Variants in DLGAP2 observed in about 807,000 individuals in gnomAD.
DLGAP2 encodes DLG associated protein 2.
A neutral mutation model predicts 100.3 loss-of-function variants in DLGAP2; 26 were observed. That is an observed-to-expected ratio of 0.26 (90% confidence interval 0.19 to 0.36). The LOEUF (loss-of-function observed/expected upper bound fraction) is 0.36. Among genes scored for constraint, DLGAP2 ranks in the 10% least tolerant of loss-of-function variants. The probability of loss-of-function intolerance (pLI) is 1.00; values close to 1 mark genes in which losing one functional copy is unlikely to be tolerated. For synonymous variants in DLGAP2, 886 were observed against 630.1 expected, an observed-to-expected ratio of 1.41 and a Z score of -6.08; for missense variants, 1,858 against 1,453.2, an observed-to-expected ratio of 1.28 and a Z score of -4.53.
At chr8:1,392,477 T>C (rs1796387769) in intron 3 of DLGAP2, among the ~76,000 whole-genome samples, 1 of 152,218 alleles carries the variant, frequency 6.6e-6, no homozygotes, top group Non-Finnish European at 1.5e-5. Context: ...CGCCGCGTGG[T>C]CCTTCTAAGT....
chr8:1,316,324 G>T (rs1392228474), intron 3 of DLGAP2, among the ~76,000 whole-genome samples: 22 of 107,848 alleles, frequency 2.0e-4, no homozygotes, highest in East Asian at 1.2e-3. Flanking sequence ...ACTTGGCAGC[G>T]TTTAAAAATA....
At chr8:1,101,797 CT>C (rs1804593147) in intron 2 of DLGAP2, among the ~76,000 whole-genome samples, 1 of 24,744 alleles carries the variant, frequency 4.0e-5, no homozygotes, top group East Asian at 7.3e-4. Context: ...CTCGTCACCC[CT>C]GAGCCGAACA....
intron 1 of DLGAP2, among the ~76,000 whole-genome samples, chr8:884,628 T>TA (rs1342308984): frequency 6.6e-6 from 1 of 152,008 alleles, no homozygotes; most frequent in African/African-American, 2.4e-5. Context: ...ACAAGCTCTT[T>TA]AGTTTAATTA....
At chr8:1,110,421 G>C (rs1266091113) in intron 2 of DLGAP2, among the ~76,000 whole-genome samples, 2 of 150,188 alleles carry the variant, frequency 1.3e-5, no homozygotes, top group Non-Finnish European at 3.0e-5. Context: ...GGGTCTGAGA[G>C]GTGTGCATGG....
At chr8:1,454,008 G>A (rs2130122798) in intron 3 of DLGAP2, among the ~76,000 whole-genome samples, 1 of 152,374 alleles carries the variant, frequency 6.6e-6, no homozygotes, top group South Asian at 2.1e-4. Context: ...CTCCTGCCAG[G>A]CAGTGGGATC....
chr8:1,348,880 T>A (rs1235262296), intron 3 of DLGAP2, among the ~76,000 whole-genome samples: 1 of 152,206 alleles, frequency 6.6e-6, no homozygotes, highest in African/African-American at 2.4e-5. Context: ...CTTGTGCCTT[T>A]GGAATCTTGT....
chr8:1,190,100 C>G (rs545488338), intron 2 of DLGAP2, among the ~76,000 whole-genome samples: 4 of 152,310 alleles, frequency 2.6e-5, no homozygotes, highest in East Asian at 3.9e-4. Context: ...GCCCTCTGGA[C>G]TCTTACTGCT....
chr8:1,472,089 CAG>C (rs1157086454), intron 3 of DLGAP2, among the ~76,000 whole-genome samples: 1 of 152,246 alleles, frequency 6.6e-6, no homozygotes, highest in Non-Finnish European at 1.5e-5. Context: ...GGGAGTGAGA[CAG>C]AGGGCCTGAG....
At chr8:1,494,085 T>C (rs904696876) in intron 3 of DLGAP2, among the ~76,000 whole-genome samples, 11 of 152,014 alleles carry the variant, frequency 7.2e-5, no homozygotes, top group African/African-American at 2.7e-4. Context: ...TAACAAACAC[T>C]CTGCAGGGCA....
At chr8:1,116,140 G>C (rs62486822) in intron 2 of DLGAP2, among the ~76,000 whole-genome samples, 1 of 152,208 alleles carries the variant, frequency 6.6e-6, no homozygotes, top group Non-Finnish European at 1.5e-5. Flanking sequence ...GATGCGGTAC[G>C]CAATCCCATC....
At position 1,173,907 on chromosome 8, in the gene DLGAP2, G is replaced by A. The variant is rs536244478; in HGVS notation, c.74-84944G>A. 2.2e-4 allele frequency among the ~76,000 whole-genome samples: 33 copies of A among 152,294 alleles called. No individual in the cohort carries two copies. The South Asian group carries it at 6.6e-3, about 31-fold the overall frequency. On this transcript the variant is annotated intron_variant, in intron 2 of 14. Transcript: ENST00000637795. ...ACCCACTGACCTGCGCCCACCTCTG[G>A]CACTCCCTAGTGAGATGAACCTGGT...
chr8:1,665,930 T>C (rs1371652129), intron 8 of DLGAP2, among the ~76,000 whole-genome samples: 1 of 152,232 alleles, frequency 6.6e-6, no homozygotes, highest in Non-Finnish European at 1.5e-5. Context: ...TCTCTGACCA[T>C]GTGTCCATGT....
intron 1 of DLGAP2, among the ~76,000 whole-genome samples, chr8:778,301 G>A (rs9650535): frequency 0.21 from 32,485 of 151,980 alleles, 4,092 homozygotes; most frequent in Non-Finnish European, 0.29. Flanking sequence ...GTGTCCTCTC[G>A]TAGCTCAGAG....
chr8:1,229,642 C>G (rs1336683780), intron 2 of DLGAP2, among the ~76,000 whole-genome samples: 2 of 152,084 alleles, frequency 1.3e-5, no homozygotes, highest in East Asian at 1.9e-4. Flanking sequence ...ACTAATAAAA[C>G]CAACAGCACA....
At chr8:1,591,002 G>T (rs537336287) in intron 6 of DLGAP2, among the ~76,000 whole-genome samples, 1 of 152,344 alleles carries the variant, frequency 6.6e-6, no homozygotes, top group East Asian at 1.9e-4. Flanking sequence ...AATTAAGGAA[G>T]CTCAAAACAT....
intron 2 of DLGAP2, among the ~76,000 whole-genome samples, chr8:1,148,938 A>G (rs12675272): frequency 0.34 from 51,182 of 152,042 alleles, 8,863 homozygotes; most frequent in East Asian, 0.56. Flanking sequence ...ATAATTCAGT[A>G]TTAATCCTTG....
At position 1,647,488 on chromosome 8, in the gene DLGAP2, C is replaced by CAA. The variant is rs567451595; in HGVS notation, c.1810+14479_1810+14480dup. Among the ~76,000 whole-genome samples the CAA allele has an allele frequency of 1.9e-3, 87 of 44,980 alleles. 28 individuals carry two copies. Among genetic ancestry groups the CAA allele is most frequent in the Non-Finnish European group, 4.2e-3 (72 of 17,214 alleles). 29.5% of individuals were successfully genotyped at this position (44,980 alleles called of 152,430 possible). A position where few individuals can be genotyped will look rare whatever the true frequency, so the allele number is the denominator to read the frequency against. On this transcript the variant is annotated intron_variant, in intron 8 of 14. Transcript: ENST00000637795. ...TGGGAGACAGAGAGAGACTCTGTCT[C>CAA]AAAAAAAAAAAAAAAAAAAAAAAAA...
intron 2 of DLGAP2, among the ~76,000 whole-genome samples, chr8:1,030,734 T>G (rs1364775264): frequency 6.6e-6 from 1 of 152,222 alleles, no homozygotes; most frequent in Non-Finnish European, 1.5e-5. Flanking sequence ...CTTGATATCC[T>G]CAGATGCCAG....
chr8:1,341,778 A>G (rs1801424105), intron 3 of DLGAP2, among the ~76,000 whole-genome samples: 1 of 152,174 alleles, frequency 6.6e-6, no homozygotes, highest in Admixed American at 6.5e-5. Context: ...CAGCTGCAGT[A>G]GGAATGCTGT....
Sources: allele counts gnomAD v4.1 joint callset (sites outside exome capture counted in the v4.1 genomes callset), GRCh38; gene constraint gnomAD v4.1.1; transcripts MANE v1.5; gene names NCBI Gene and HGNC (gene_info 2026-07-23, HGNC 2026-07-21).